The following SPHKAP variants were observed in gnomAD, a reference collection of about 807,000 sequenced individuals.
SPHKAP encodes the protein SPHK1 interactor, AKAP domain containing, also known as A-kinase anchor protein SPHKAP.
Under a neutral mutation model 137.5 loss-of-function variants are expected in SPHKAP, and 67 were observed. That is an observed-to-expected ratio of 0.49 (90% CI 0.40 to 0.60). The LOEUF (loss-of-function observed/expected upper bound fraction) is 0.60, where lower values mean the gene tolerates loss of function less well. Among genes scored for constraint, SPHKAP ranks in the 20% least tolerant of loss-of-function variants. The probability of loss-of-function intolerance (pLI) is 0.00; values close to 1 mark genes in which losing one functional copy is unlikely to be tolerated. For synonymous variants in SPHKAP, 813 were observed against 785.3 expected, an observed-to-expected ratio of 1.04 and a Z score of -0.59; for missense variants, 2,097 against 2,069.3, an observed-to-expected ratio of 1.01 and a Z score of -0.26.
chr2:228,046,291 CT>C (rs58510792), intron 3 of SPHKAP, among the ~76,000 whole-genome samples: 229 of 82,530 alleles, frequency 2.8e-3, no homozygotes, highest in Middle Eastern at 0.011. Flanking sequence ...TGTTGTTATT[CT>C]TTTTTTTTTT....
chr2:228,121,609 C>T (rs1698905623), intron 2 of SPHKAP, among the ~76,000 whole-genome samples: 1 of 152,230 alleles, frequency 6.6e-6, no homozygotes, highest in Non-Finnish European at 1.5e-5. Flanking sequence ...TTTTAAGATG[C>T]ATGCAGATGG....
intron 1 of SPHKAP, chr2:228,172,937 C>T (rs1364590927): frequency 1.5e-6 from 1 of 645,588 alleles, no homozygotes; most frequent in Non-Finnish European, 1.9e-6. Flanking sequence ...TGTCTTATAT[C>T]AAGAAGAGCA....
At chr2:228,063,162 ATCTATCTATCTATCTG>A (rs1412480285) in intron 3 of SPHKAP, among the ~76,000 whole-genome samples, 34 of 144,108 alleles carry the variant, frequency 2.4e-4, no homozygotes, top group African/African-American at 8.0e-4. Context: ...CTATCTATCT[ATCTATCTATCTATCTG>A]TCTGTCTGTC....
At chr2:228,112,100 T>C (rs894207212) in intron 2 of SPHKAP, among the ~76,000 whole-genome samples, 2 of 152,168 alleles carry the variant, frequency 1.3e-5, no homozygotes, top group African/African-American at 2.4e-5. Flanking sequence ...ACTTGAGTTA[T>C]CTTTAAGCCA....
At chr2:228,148,779 C>A (rs949428572) in intron 1 of SPHKAP, among the ~76,000 whole-genome samples, 1 of 151,858 alleles carries the variant, frequency 6.6e-6, no homozygotes. Context: ...CAAACACCAG[C>A]AGATTTGGAG....
intron 3 of SPHKAP, among the ~76,000 whole-genome samples, chr2:228,077,088 T>C (rs1408926701): frequency 2.0e-5 from 3 of 152,168 alleles, no homozygotes; most frequent in African/African-American, 7.2e-5. Flanking sequence ...TTCCACATGA[T>C]GTTGAGTCTG....
chr2:228,166,241 A>C (rs1007009845), intron 1 of SPHKAP, among the ~76,000 whole-genome samples: 1 of 152,226 alleles, frequency 6.6e-6, no homozygotes, highest in Non-Finnish European at 1.5e-5. Context: ...TGATCTATTA[A>C]TCAACACCTA....
intron 1 of SPHKAP, among the ~76,000 whole-genome samples, chr2:228,161,496 C>G (rs1700271555): frequency 6.6e-6 from 1 of 152,214 alleles, no homozygotes; most frequent in South Asian, 2.1e-4. Context: ...AAAGTGGGAG[C>G]TTAACAATGA....
intron 7 of SPHKAP, among the ~76,000 whole-genome samples, chr2:228,011,657 G>T (rs1417850714): frequency 1.3e-5 from 2 of 152,082 alleles, no homozygotes; most frequent in East Asian, 1.9e-4. Context: ...TTAGACAGGG[G>T]TACCAAACAT....
intron 7 of SPHKAP, among the ~76,000 whole-genome samples, chr2:228,002,570 A>C (rs569016461): frequency 6.2e-4 from 95 of 152,210 alleles, no homozygotes; most frequent in Non-Finnish European, 1.1e-3. Context: ...TCTTTAGTTT[A>C]ATTAGATCCC....
intron 4 of SPHKAP, 140 bp downstream of exon 4, chr2:228,027,344 A>T: frequency 1.2e-6 from 1 of 844,164 alleles, no homozygotes; most frequent in Non-Finnish European, 1.9e-6. Context: ...GGTAAGTGCT[A>T]GGGAAAGGGT....
intron 1 of SPHKAP, among the ~76,000 whole-genome samples, chr2:228,154,673 C>T (rs151334035): frequency 0.019 from 2,806 of 145,038 alleles, 86 homozygotes; most frequent in African/African-American, 0.067. Context: ...CTCAGCCTCC[C>T]GAGTAGCTGG....
chr2:228,022,655 G>A (rs1334910484), intron 5 of SPHKAP, among the ~76,000 whole-genome samples: 1 of 152,226 alleles, frequency 6.6e-6, no homozygotes, highest in East Asian at 1.9e-4. Flanking sequence ...GGCACAGGAG[G>A]AATTTACAAT....
intron 1 of SPHKAP, among the ~76,000 whole-genome samples, chr2:228,154,404 T>C (rs923292326): frequency 6.0e-5 from 9 of 149,638 alleles, no homozygotes; most frequent in Non-Finnish European, 1.2e-4. Flanking sequence ...ATGGTAGTTT[T>C]AATTTGGACA....
chr2:228,022,765 A>C (rs913484892), intron 5 of SPHKAP, among the ~76,000 whole-genome samples: 1 of 152,156 alleles, frequency 6.6e-6, no homozygotes, highest in African/African-American at 2.4e-5. Context: ...GGGAATGTCA[A>C]CGCTGTCTTG....
chr2:228,071,309 T>C (rs543613341), intron 3 of SPHKAP, among the ~76,000 whole-genome samples: 27 of 152,374 alleles, frequency 1.8e-4, no homozygotes. Context: ...TTCATCTATA[T>C]TAAAAACCTG....
At position 228,018,000 on chromosome 2, in the gene SPHKAP, A is replaced by G. The variant is rs770828969; in HGVS notation, c.2854T>C (p.Ser952Pro). Residue 952 changes from serine to proline, a missense_variant, in exon 7 of 12, where the codon TCC becomes CCC. Coordinates refer to ENST00000392056, the MANE Select transcript of SPHKAP (RefSeq NM_001142644.2). ...CAAAACCAGGGTTGTTTTCCACTGG[A>G]GTTGTCAAGGCAAATCGCTGCAATT... The part of the protein sequence containing the change: ...TEIAAICLDN[S>P]SGKQPWFCAW... 6.2e-7 allele frequency: 1 copy of G among 1,614,056 alleles called. No homozygotes were observed. Among genetic ancestry groups the G allele is most frequent in the Admixed American group, 1.7e-5 (1 of 60,002 alleles).
intron 2 of SPHKAP, among the ~76,000 whole-genome samples, chr2:228,129,521 T>A (rs1191040366): frequency 1.3e-5 from 2 of 152,088 alleles, no homozygotes; most frequent in East Asian, 3.9e-4. Flanking sequence ...TCTAACAGAG[T>A]TTTGAATGTA....
At chr2:227,997,092 C>T (rs1041961496) in intron 7 of SPHKAP, among the ~76,000 whole-genome samples, 1 of 152,176 alleles carries the variant, frequency 6.6e-6, no homozygotes, top group African/African-American at 2.4e-5. Flanking sequence ...CTTCTTAACC[C>T]TGGTGCCAGA....
Sources: allele counts gnomAD v4.1 joint callset (sites outside exome capture counted in the v4.1 genomes callset), GRCh38; gene constraint gnomAD v4.1.1; transcripts MANE v1.5; gene names NCBI Gene and HGNC (gene_info 2026-07-23, HGNC 2026-07-21).